Variants in ARMC2 observed in about 807,000 individuals in gnomAD.
ARMC2 encodes armadillo repeat containing 2.
In ARMC2, 67 loss-of-function variants were observed where a neutral mutation model predicts 90.3. The observed-to-expected ratio is 0.74, with a 90% CI of 0.61 to 0.91. The LOEUF (loss-of-function observed/expected upper bound fraction) is 0.91. Among genes scored for constraint, ARMC2 ranks in the 40% least tolerant of loss-of-function variants. ARMC2 has a pLI of 0.00. For synonymous variants in ARMC2, 393 were observed against 393.0 expected (o/e 1.00, Z 0.00); for missense variants, 920 against 1,030.9 (o/e 0.89, Z 1.47).
chr6:108,998,062 CAAAGTTGATTA>C, the ARMC2 span, among the ~76,000 whole-genome samples: 1 of 152,112 alleles, frequency 6.6e-6, no homozygotes, highest in Non-Finnish European at 1.5e-5. Flanking sequence ...ATTTCTAGAT[CAAAGTTGATTA>C]AATCTTCTGA....
the ARMC2 span, among the ~76,000 whole-genome samples, chr6:108,984,578 A>C: frequency 1.3e-5 from 2 of 152,216 alleles, no homozygotes; most frequent in African/African-American, 4.8e-5. Flanking sequence ...TACAACATAC[A>C]TCAACATACA....
In ARMC2 at chr6:108,879,103, CCCATCCATTCATCCAT is replaced by C. The variant is rs1156685552; in HGVS notation, c.671+2762_671+2777del. Reference sequence around the variant, plus strand: ...TACCTACCCACCCATCTGTCATCCACCCATCCATTCATCCATCCATCCATCCATCCGCTCATCTATA... The same window carrying C: ...TACCTACCCACCCATCTGTCATCCACCCATCCATCCATCCGCTCATCTATA... On this transcript the variant is annotated intron_variant, in intron 5 of 17. Coordinates refer to ENST00000392644, the MANE Select transcript of ARMC2 (RefSeq NM_032131.6). Among the ~76,000 whole-genome samples, 34 of 150,794 alleles carry C rather than the reference CCCATCCATTCATCCAT, an allele frequency of 2.3e-4. No homozygotes were observed. In the East Asian group the frequency reaches 6.1e-3, roughly 27 times the overall value.
intron 4 of ARMC2, among the ~76,000 whole-genome samples, chr6:108,874,849 A>G (rs765248549): frequency 3.0e-4 from 45 of 148,950 alleles, no homozygotes; most frequent in Non-Finnish European, 5.4e-4. Flanking sequence ...AAAAAAAAAA[A>G]GAAGCCTAGA....
chr6:108,903,785 C>T (rs1172996827), intron 7 of ARMC2, among the ~76,000 whole-genome samples: 4 of 152,040 alleles, frequency 2.6e-5, no homozygotes, highest in Non-Finnish European at 5.9e-5. Context: ...AACAGAGCCT[C>T]GAAGGACCAA....
chr6:108,994,349 T>C, the ARMC2 span: 1 of 788,868 alleles, frequency 1.3e-6, no homozygotes, highest in Non-Finnish European at 1.9e-6. Flanking sequence ...TATGCAATAG[T>C]CTCTCTAAAA....
At position 108,880,982 on chromosome 6, in the gene ARMC2, T is replaced by G. The variant is rs539232650; in HGVS notation, c.671+4632T>G. On this transcript the variant is annotated intron_variant, in intron 5 of 17. Coordinates refer to ENST00000392644, the MANE Select transcript of ARMC2 (RefSeq NM_032131.6). ...GCGATTCTCCTGCCTCAGCCTGCCC[T>G]GTAGCTGGGATTACAGGCATGTGCC... 6.6e-5 allele frequency among the ~76,000 whole-genome samples: 10 copies of G among 151,962 alleles called. No individual in the cohort carries two copies. The South Asian group carries it at 1.9e-3, about 28-fold the overall frequency.
At chr6:108,955,317 A>G (rs1287935464) in intron 13 of ARMC2, among the ~76,000 whole-genome samples, 1 of 152,210 alleles carries the variant, frequency 6.6e-6, no homozygotes, top group Admixed American at 6.5e-5. Flanking sequence ...CTAGGCATAC[A>G]CAGCTAAGGG....
the ARMC2 span, chr6:108,987,724 T>C: frequency 1.5e-6 from 1 of 664,230 alleles, no homozygotes. Flanking sequence ...ATAAGTACAC[T>C]TCCTACACTT....
At chr6:108,921,654 C>G (rs1774584139) in intron 10 of ARMC2, among the ~76,000 whole-genome samples, 2 of 152,106 alleles carry the variant, frequency 1.3e-5, no homozygotes, top group African/African-American at 4.8e-5. Flanking sequence ...ATATATGTGG[C>G]CTCAATTGGG....
intron 17 of ARMC2, among the ~76,000 whole-genome samples, chr6:108,965,867 G>C (rs1372425856): frequency 1.3e-5 from 2 of 149,976 alleles, no homozygotes; most frequent in Non-Finnish European, 3.0e-5. Flanking sequence ...TACCCAGGCT[G>C]GTGTCAACCT....
chr6:109,025,603 T>C, the ARMC2 span, among the ~76,000 whole-genome samples: 22 of 149,158 alleles, frequency 1.5e-4, no homozygotes, highest in East Asian at 3.0e-3. Context: ...TTAAAGGAAA[T>C]AGAAAGTATG....
At chr6:109,005,533 GT>G in the ARMC2 span, among the ~76,000 whole-genome samples, 2 of 152,154 alleles carry the variant, frequency 1.3e-5, no homozygotes, top group Non-Finnish European at 2.9e-5. Context: ...CAAATATATA[GT>G]TTATATGCCA....
intron 5 of ARMC2, 52 bp downstream of exon 5, chr6:108,876,402 C>T: frequency 6.6e-7 from 1 of 1,523,512 alleles, no homozygotes; most frequent in South Asian, 1.2e-5. Context: ...TATCATTTAC[C>T]AGTTTCTTCT....
chr6:108,912,319 T>A lies in ARMC2; in HGVS notation c.1127-16T>A. 1 of 1,553,412 alleles carries A rather than the reference T, an allele frequency of 6.4e-7. No homozygotes were observed. Among genetic ancestry groups the A allele is most frequent in the Non-Finnish European group, 8.8e-7 (1 of 1,139,486 alleles). ...TGTTATACTCAGACATTTATAATAA[T>A]TAATCTTTTTGACAGAATCATTATT... On this transcript the variant is annotated splice_polypyrimidine_tract_variant and intron_variant, in intron 9 of 17. Transcript: ENST00000392644.
rs923742482 is a variant in ARMC2, at chr6:108,927,718, A to AG, written c.1351-370_1351-369insG. On this transcript the variant is annotated intron_variant, in intron 10 of 17. Transcript: ENST00000392644. ...AGAATACCTATAAAATTAAAAAAAAAAAAGAAAGAAAAACATAGAACAAGA... is the reference window on the plus strand; with the variant it reads ...AGAATACCTATAAAATTAAAAAAAAAGAAAGAAAGAAAAACATAGAACAAGA... Among the ~76,000 whole-genome samples the AG allele has an allele frequency of 1.1e-4, 16 of 151,980 alleles. 1 individual carries two copies. Among genetic ancestry groups the AG allele is most frequent in the African/African-American group, 3.1e-4 (13 of 41,508 alleles).
At chr6:108,967,033 C>T (rs576514827) in intron 17 of ARMC2, among the ~76,000 whole-genome samples, 100 of 152,338 alleles carry the variant, frequency 6.6e-4, no homozygotes, top group African/African-American at 2.1e-3. Context: ...CAGCCGTGGG[C>T]GTCATGAGCT....
rs376833473 is a variant in ARMC2, at chr6:108,961,060, C to T, written c.1916-512C>T. 1.7e-4 allele frequency among the ~76,000 whole-genome samples: 26 copies of T among 152,282 alleles called. No individual in the cohort carries two copies. In the East Asian group the frequency reaches 5.0e-3, roughly 29 times the overall value. On this transcript the variant is annotated intron_variant, in intron 13 of 17. Transcript: ENST00000392644. ...GCAAAAGTGGAAGAAGAGAAGCCAG[C>T]AAGTGCTGAGAGATGAACTAGTGGG...
At chr6:109,044,579 T>A in the ARMC2 span, among the ~76,000 whole-genome samples, 9 of 152,090 alleles carry the variant, frequency 5.9e-5, no homozygotes, top group African/African-American at 2.2e-4. Flanking sequence ...TACATCTAGA[T>A]CACCCTGAAT....
chr6:108,929,256 T>C (rs1286860793), intron 11 of ARMC2, among the ~76,000 whole-genome samples: 3 of 152,188 alleles, frequency 2.0e-5, no homozygotes, highest in East Asian at 3.9e-4. Flanking sequence ...TATAGTGTCA[T>C]GTAGGGGTCC....
Sources: gnomAD v4.1 joint callset for allele counts (sites outside exome capture counted in the v4.1 genomes callset) on GRCh38, gnomAD v4.1.1 for gene constraint, MANE v1.5 for transcripts, NCBI Gene and HGNC (gene_info 2026-07-23, HGNC 2026-07-21) for gene names.